Variants in STAT3 observed in about 807,000 individuals in gnomAD.
STAT3 encodes signal transducer and activator of transcription 3.
STAT3 carries 7 observed loss-of-function variants against 114.3 expected under a neutral mutation model. The observed-to-expected ratio is 0.06, with a 90% CI of 0.03 to 0.11. The LOEUF (loss-of-function observed/expected upper bound fraction) is 0.11, where lower values mean the gene tolerates loss of function less well. Among genes scored for constraint, STAT3 ranks in the 10% least tolerant of loss-of-function variants. The pLI is 1.00. For missense variants in STAT3, 364 were observed against 960.9 expected (o/e 0.38, Z 8.21); for synonymous variants, 331 against 354.5 (o/e 0.93, Z 0.74).
chr17:42,351,731 C>T (rs995659794), intron 1 of STAT3, among the ~76,000 whole-genome samples: 4 of 151,908 alleles, frequency 2.6e-5, no homozygotes, highest in South Asian at 2.1e-4. Flanking sequence ...TAGGCCAATA[C>T]GCTTCTATAA....
chr17:42,323,763 T>A, intron 17 of STAT3, 138 bp from the exon 18 acceptor site: 1 of 821,340 alleles, frequency 1.2e-6, no homozygotes, highest in South Asian at 1.5e-5. Context: ...AGGTAGGCAC[T>A]GTTGTGTGTG....
At chr17:42,380,395 G>T (rs943701489) in intron 1 of STAT3, among the ~76,000 whole-genome samples, 3 of 149,730 alleles carry the variant, frequency 2.0e-5, no homozygotes, top group Admixed American at 2.0e-4. Flanking sequence ...TTGTTTTTCG[G>T]TTTTTTTGAG....
chr17:42,324,040 G>A lies in STAT3; in HGVS notation c.1601-415C>T, dbSNP rs993172115. Reference sequence around the variant, plus strand: ...AATTCTTTTTTAAAAACTAGCCTACGCTGGGCACAGTGGCTCAAGCCTGTA... The same window carrying A: ...AATTCTTTTTTAAAAACTAGCCTACACTGGGCACAGTGGCTCAAGCCTGTA... On this transcript the variant is annotated intron_variant, in intron 17 of 23. Coordinates refer to ENST00000264657, the MANE Select transcript of STAT3 (RefSeq NM_139276.3). This position sits in a 1 kb window ranked among gnomAD's most constrained non-coding sequence, Gnocchi z 4.5. 5.9e-5 allele frequency among the ~76,000 whole-genome samples: 9 copies of A among 152,174 alleles called. No individual in the cohort carries two copies. Among genetic ancestry groups the A allele is most frequent in the African/African-American group, 1.2e-4 (5 of 41,434 alleles).
Position 42,348,528 on chromosome 17 carries a change from C to T in STAT3, c.-12G>A. The T allele has an allele frequency of 2.5e-6, 4 of 1,613,166 alleles. No individual in the cohort carries two copies. The highest frequency in any genetic ancestry group is 2.5e-6 in the Non-Finnish European group (3 of 1,179,946). ...TTCCATTGGGCCATCCTGCTAAAAT[C>T]AGGGGTCCCAACTGTAAACCAAAGT... On this transcript the variant is annotated 5_prime_UTR_variant, in exon 2 of 24. Transcript: ENST00000264657.
intron 21 of STAT3, among the ~76,000 whole-genome samples, chr17:42,321,479 C>A (rs934946947): frequency 6.6e-6 from 1 of 152,004 alleles, no homozygotes; most frequent in African/African-American, 2.4e-5. Flanking sequence ...TTAAAATATA[C>A]CTTATTTTCA....
At chr17:42,372,479 A>G (rs117820634) in intron 1 of STAT3, among the ~76,000 whole-genome samples, 218 of 152,358 alleles carry the variant, frequency 1.4e-3, no homozygotes, top group Middle Eastern at 0.01. Context: ...TGTATGTCCA[A>G]CTATATGACA....
At chr17:42,366,301 CCA>C (rs886556080) in intron 1 of STAT3, among the ~76,000 whole-genome samples, 8 of 152,176 alleles carry the variant, frequency 5.3e-5, no homozygotes, top group African/African-American at 1.9e-4. Context: ...AACTTCAACT[CCA>C]GTCTCTCTCT....
At chr17:42,385,378 G>A (rs1598548252) in intron 1 of STAT3, among the ~76,000 whole-genome samples, 2 of 151,558 alleles carry the variant, frequency 1.3e-5, no homozygotes, top group South Asian at 2.1e-4. Flanking sequence ...GCGTAGTGGC[G>A]GGCACCTGTA....
intron 21 of STAT3, 45 bp downstream of exon 21, chr17:42,322,237 A>G: frequency 6.2e-7 from 1 of 1,610,856 alleles, no homozygotes; most frequent in Non-Finnish European, 8.5e-7. Flanking sequence ...AAAATTTCCA[A>G]CTTTTCCCAA....
At position 42,320,851 on chromosome 17, in the gene STAT3, C is replaced by G. The variant is rs76293903; in HGVS notation, c.2101+1431G>C. Among the ~76,000 whole-genome samples the G allele has an allele frequency of 1.1e-3, 161 of 151,100 alleles. 3 individuals are homozygous for G. The East Asian group carries it at 0.02, about 19-fold the overall frequency. On this transcript the variant is annotated intron_variant, in intron 21 of 23. Transcript: ENST00000264657. The stretch of plus-strand genomic sequence containing the variant: ...GCACAAAGAACCCAGAGAGTCAAAA[C>G]AGCAAGTGCTGAAGGGGAACAGACA...
At chr17:42,329,090 A>C (rs1476938636) in intron 14 of STAT3, among the ~76,000 whole-genome samples, 1 of 152,206 alleles carries the variant, frequency 6.6e-6, no homozygotes, top group African/African-American at 2.4e-5. Flanking sequence ...CAGGAGCTGG[A>C]TGGGGAATTT....
intron 21 of STAT3, among the ~76,000 whole-genome samples, chr17:42,321,562 T>TC (rs1049796246): frequency 3.9e-5 from 6 of 152,202 alleles, no homozygotes; most frequent in Admixed American, 3.9e-4. Context: ...AACGTGATGC[T>TC]CCCAGCTCTT....
chr17:42,331,787 G>T (rs1346491137), intron 10 of STAT3, among the ~76,000 whole-genome samples: 1 of 152,050 alleles, frequency 6.6e-6, no homozygotes, highest in Non-Finnish European at 1.5e-5. Flanking sequence ...AATTAGCGGG[G>T]TGTGGTAGCA....
In STAT3 at chr17:42,337,552, G is replaced by A. The variant is rs1004741102; in HGVS notation, c.680C>T (p.Ala227Val). ...GAGAGTTTTCTGCACGTACTCCATCGCTGACAAAAGCCCCGCCAGCTCACT... is the reference window on the plus strand; with the variant it reads ...GAGAGTTTTCTGCACGTACTCCATCACTGACAAAAGCCCCGCCAGCTCACT... ...IVSELAGLLSAMEYVQKTLTD... is the reference protein window; with the variant it reads ...IVSELAGLLSVMEYVQKTLTD... The change falls in exon 8 of 24, where the codon GCG becomes GTG. Residue 227 changes from alanine (A) to valine (V), a missense_variant. Around this residue, in one of 5 missense-constraint regions of STAT3, gnomAD observed 294 missense variants for 745.1 expected, o/e 0.39. Transcript: ENST00000264657. This position sits in a 1 kb window ranked among gnomAD's most constrained non-coding sequence, Gnocchi z 4.0. 6.2e-6 allele frequency: 10 copies of A among 1,614,018 alleles called. No homozygotes were observed. The highest frequency in any genetic ancestry group is 2.7e-5 in the African/African-American group (2 of 74,896).
chr17:42,324,333 T>C lies in STAT3; in HGVS notation c.1600+378A>G, dbSNP rs1417684188. 4.0e-5 allele frequency among the ~76,000 whole-genome samples: 6 copies of C among 151,318 alleles called. No individual in the cohort carries two copies. Among genetic ancestry groups the C allele is most frequent in the Admixed American group, 2.0e-4 (3 of 15,160 alleles). ...GACTCGTCTCAAAAAAATAAATAAA[T>C]AAATAAAATAAGACAAAAAAAACCA... On this transcript the variant is annotated intron_variant, in intron 17 of 23. Transcript: ENST00000264657. This position sits in a 1 kb window ranked among gnomAD's most constrained non-coding sequence, Gnocchi z 4.5.
chr17:42,327,848 C>T (rs1292706035), intron 14 of STAT3, among the ~76,000 whole-genome samples: 2 of 152,062 alleles, frequency 1.3e-5, no homozygotes, highest in Admixed American at 1.3e-4. Context: ...GAGTTCAAGA[C>T]CAGCCTGACC....
intron 1 of STAT3, among the ~76,000 whole-genome samples, chr17:42,373,134 G>A (rs975270882): frequency 2.3e-4 from 35 of 152,070 alleles, no homozygotes; most frequent in Non-Finnish European, 5.9e-5. Context: ...GGCGGATCAC[G>A]AGGTCAAGAG....
chr17:42,380,613 T>C (rs1416614430), intron 1 of STAT3, among the ~76,000 whole-genome samples: 6 of 151,712 alleles, frequency 4.0e-5, no homozygotes, highest in Non-Finnish European at 7.4e-5. Context: ...GGTCTTGAAC[T>C]CCTGACCTCA....
rs1247533006 is a variant in STAT3, at chr17:42,316,904, G to A, written c.2145-3C>T. On this transcript the variant is annotated splice_polypyrimidine_tract_variant and splice_region_variant and intron_variant, in intron 22 of 23. Transcript: ENST00000264657. ...CAATGGTATTGCTGCAGGTCGTTCT[G>A]TAGGAAATGGGGGGCAGCAGGAGGG... 6.2e-7 allele frequency: 1 copy of A among 1,609,138 alleles called. No homozygotes were observed. Among genetic ancestry groups the A allele is most frequent in the Non-Finnish European group, 8.5e-7 (1 of 1,177,688 alleles).
Sources: allele counts gnomAD v4.1 joint callset (sites outside exome capture counted in the v4.1 genomes callset), GRCh38; gene constraint gnomAD v4.1.1; regional missense constraint gnomAD v4.1.1; non-coding constraint Gnocchi (gnomAD v3.1); transcripts MANE v1.5; gene names NCBI Gene and HGNC (gene_info 2026-07-23, HGNC 2026-07-21).